The following GLIS3 variants were observed in gnomAD, a reference collection of about 807,000 sequenced individuals.
The protein encoded by GLIS3 is GLIS family zinc finger 3.
In GLIS3, 53 loss-of-function variants were observed where a neutral mutation model predicts 78.6. The ratio of observed to expected loss-of-function variants is 0.67; its 90% CI spans 0.54 to 0.85. The LOEUF is 0.85. Ranked by LOEUF, GLIS3 falls within the 40% of genes least tolerant of loss-of-function variation. The pLI is 0.00. For synonymous variants in GLIS3, 684 were observed against 509.9 expected (o/e 1.34, Z -4.60); for missense variants, 1,703 against 1,231.1 (o/e 1.38, Z -5.74).
intron 2 of GLIS3, among the ~76,000 whole-genome samples, chr9:4,254,012 C>T (rs749471702): frequency 2.0e-4 from 30 of 152,172 alleles, no homozygotes; most frequent in Admixed American, 1.6e-3. Context: ...CCTTCTGCCT[C>T]ATTGGGAGCT....
At chr9:4,008,583 T>C (rs1241269367) in intron 4 of GLIS3, among the ~76,000 whole-genome samples, 4 of 152,188 alleles carry the variant, frequency 2.6e-5, no homozygotes, top group Non-Finnish European at 4.4e-5. Flanking sequence ...GGGGCAAAAG[T>C]TGATTTCTGT....
intron 2 of GLIS3, among the ~76,000 whole-genome samples, chr9:4,273,037 T>G (rs1826661316): frequency 6.6e-6 from 1 of 152,228 alleles, no homozygotes; most frequent in Admixed American, 6.5e-5. Flanking sequence ...GTTCTCTTAG[T>G]TTTTGAAGTA....
At chr9:3,894,997 G>C (rs954850902) in intron 7 of GLIS3, among the ~76,000 whole-genome samples, 2 of 152,146 alleles carry the variant, frequency 1.3e-5, no homozygotes, top group Non-Finnish European at 2.9e-5. Context: ...CTGTAGTACA[G>C]CTTCGGTTTG....
rs886063942 is a variant in GLIS3, at chr9:3,825,345, A to C, written c.*2927T>G. The C allele has an allele frequency of 2.6e-5, 4 of 152,190 alleles. No individual in the cohort carries two copies. Among genetic ancestry groups the C allele is most frequent in the Non-Finnish European group, 5.9e-5 (4 of 68,046 alleles). 9.4% of individuals were successfully genotyped at this position (152,190 alleles called of 1,614,324 possible). A position where few individuals can be genotyped will look rare whatever the true frequency, so the allele number is the denominator to read the frequency against. On this transcript the variant is annotated 3_prime_UTR_variant, in exon 11 of 11. Coordinates refer to ENST00000381971, the MANE Select transcript of GLIS3 (RefSeq NM_001042413.2). ...TTTAAATAATATTTAACAGCTGATC[A>C]GAGGCTAAATTACAACTGACATTTT... is the stretch of plus-strand genomic sequence containing the variant.
At chr9:4,041,986 C>T (rs780661882) in intron 4 of GLIS3, among the ~76,000 whole-genome samples, 4 of 152,208 alleles carry the variant, frequency 2.6e-5, no homozygotes, top group Non-Finnish European at 5.9e-5. Context: ...TGAACCTCCA[C>T]CACCTGTATA....
At chr9:4,197,985 A>C (rs1819024055) in intron 2 of GLIS3, among the ~76,000 whole-genome samples, 1 of 152,182 alleles carries the variant, frequency 6.6e-6, no homozygotes, top group Non-Finnish European at 1.5e-5. Flanking sequence ...TATATATGGA[A>C]AGAAAGAAAA....
intron 4 of GLIS3, among the ~76,000 whole-genome samples, chr9:4,097,558 T>A (rs1306069965): frequency 6.6e-6 from 1 of 152,162 alleles, no homozygotes; most frequent in Non-Finnish European, 1.5e-5. Context: ...ATTAAAGATC[T>A]CAGGAATTTA....
At chr9:4,324,962 G>C (rs1051634020) in intron 2 of GLIS3, among the ~76,000 whole-genome samples, 2 of 152,214 alleles carry the variant, frequency 1.3e-5, no homozygotes, top group African/African-American at 4.8e-5. Context: ...CTGTGTGCTA[G>C]GTAATATGTC....
intron 2 of GLIS3, among the ~76,000 whole-genome samples, chr9:4,218,423 C>G (rs1821042932): frequency 6.6e-6 from 1 of 152,172 alleles, no homozygotes; most frequent in African/African-American, 2.4e-5. Flanking sequence ...GGACTACAGG[C>G]ACCCGCCACC....
intron 4 of GLIS3, among the ~76,000 whole-genome samples, chr9:4,077,854 A>G (rs1828212322): frequency 6.6e-6 from 1 of 152,164 alleles, no homozygotes; most frequent in Non-Finnish European, 1.5e-5. Flanking sequence ...CTTCCTCAGA[A>G]ATCTGGTTCC....
At chr9:4,239,169 G>C (rs1026257968) in intron 2 of GLIS3, among the ~76,000 whole-genome samples, 4 of 108,156 alleles carry the variant, frequency 3.7e-5, no homozygotes, top group Non-Finnish European at 5.2e-5. Flanking sequence ...CACTGTTGTG[G>C]GGTGGGGGGA....
At chr9:3,836,946 C>G (rs553634734) in intron 9 of GLIS3, among the ~76,000 whole-genome samples, 1 of 152,332 alleles carries the variant, frequency 6.6e-6, no homozygotes, top group South Asian at 2.1e-4. Flanking sequence ...GGACAACAAT[C>G]CTGGATCTGG....
intron 4 of GLIS3, among the ~76,000 whole-genome samples, chr9:4,066,239 C>A (rs897699529): frequency 3.9e-5 from 6 of 152,174 alleles, no homozygotes; most frequent in Admixed American, 3.9e-4. Context: ...AAAGAGACTC[C>A]AGCAGATCAT....
chr9:4,373,139 G>C, the GLIS3 span, among the ~76,000 whole-genome samples: 1 of 152,172 alleles, frequency 6.6e-6, no homozygotes, highest in Non-Finnish European at 1.5e-5. Flanking sequence ...GGGCTTTTGT[G>C]ATTTCCCCAT....
chr9:4,010,432 C>G lies in GLIS3; in HGVS notation c.1711-73243G>C, dbSNP rs146474530. Among the ~76,000 whole-genome samples, 382 of 152,248 alleles carry G rather than the reference C, an allele frequency of 2.5e-3. 2 individuals carry two copies. Among genetic ancestry groups the G allele is most frequent in the Non-Finnish European group, 4.2e-3 (287 of 68,026 alleles). On this transcript the variant is annotated intron_variant, in intron 4 of 10. Coordinates refer to ENST00000381971, the MANE Select transcript of GLIS3 (RefSeq NM_001042413.2). The stretch of plus-strand genomic sequence containing the variant: ...TTAGCATTCCTCTCCCCTTTAGAAG[C>G]CCAGGAATACTCCATATCTCCAAGT...
At chr9:3,989,520 G>A (rs533507927) in intron 4 of GLIS3, among the ~76,000 whole-genome samples, 2 of 152,242 alleles carry the variant, frequency 1.3e-5, no homozygotes, top group East Asian at 1.9e-4. Context: ...GTCAACTACT[G>A]TGGAATAAAC....
At chr9:4,000,113 G>A (rs1453881511) in intron 4 of GLIS3, among the ~76,000 whole-genome samples, 1 of 151,888 alleles carries the variant, frequency 6.6e-6, no homozygotes, top group East Asian at 1.9e-4. Flanking sequence ...AATAAAATTT[G>A]GTATAATTAC....
intron 4 of GLIS3, chr9:4,054,225 G>C: frequency 5.1e-6 from 3 of 584,418 alleles, no homozygotes; most frequent in Non-Finnish European, 6.5e-6. Context: ...CAGAACATCA[G>C]CTCTGTGAGG....
At chr9:4,391,239 TG>T in the GLIS3 span, among the ~76,000 whole-genome samples, 2 of 152,162 alleles carry the variant, frequency 1.3e-5, no homozygotes, top group African/African-American at 4.8e-5. Flanking sequence ...AGTGGGGACA[TG>T]GGGGGTACCT....
Sources: gnomAD v4.1 joint callset for allele counts (sites outside exome capture counted in the v4.1 genomes callset) on GRCh38, gnomAD v4.1.1 for gene constraint, MANE v1.5 for transcripts, NCBI Gene and HGNC (gene_info 2026-07-23, HGNC 2026-07-21) for gene names.